The following HS3ST5 variants were observed in gnomAD, a reference collection of about 807,000 sequenced individuals.
The protein encoded by HS3ST5 is heparan sulfate glucosamine 3-O-sulfotransferase 5.
Under a neutral mutation model 25.4 loss-of-function variants are expected in HS3ST5, and 10 were observed. The observed-to-expected ratio is 0.39, with a 90% CI of 0.24 to 0.67. HS3ST5 has a LOEUF of 0.67. Among genes scored for constraint, HS3ST5 ranks in the 30% least tolerant of loss-of-function variants. The pLI, the probability that HS3ST5 is intolerant of heterozygous loss-of-function variation, is 0.44. For missense variants in HS3ST5, 324 were observed against 420.7 expected (o/e 0.77, Z 2.01); for synonymous variants, 170 against 162.4 (o/e 1.05, Z -0.36).
intron 3 of HS3ST5, among the ~76,000 whole-genome samples, chr6:114,115,393 T>G (rs972111523): frequency 6.6e-6 from 1 of 152,136 alleles, no homozygotes; most frequent in African/African-American, 2.4e-5. Context: ...CTAAATTACA[T>G]GAGTCTCTTT....
At chr6:114,193,073 C>T (rs1026229372) in intron 2 of HS3ST5, among the ~76,000 whole-genome samples, 4 of 152,132 alleles carry the variant, frequency 2.6e-5, no homozygotes, top group African/African-American at 9.7e-5. Context: ...ATCATCACAG[C>T]AGTCTTTATC....
At chr6:114,257,177 G>T (rs1214833635) in intron 1 of HS3ST5, among the ~76,000 whole-genome samples, 2 of 152,342 alleles carry the variant, frequency 1.3e-5, no homozygotes, top group East Asian at 3.9e-4. Context: ...ATAAGATTTG[G>T]ATGGGGACAC....
intron 1 of HS3ST5, among the ~76,000 whole-genome samples, chr6:114,243,951 C>T (rs781123706): frequency 3.3e-5 from 5 of 152,086 alleles, no homozygotes; most frequent in African/African-American, 1.2e-4. Context: ...AGTGAGAATG[C>T]GATAGAAGTG....
At chr6:114,194,953 T>G (rs1780669112) in intron 2 of HS3ST5, among the ~76,000 whole-genome samples, 1 of 152,250 alleles carries the variant, frequency 6.6e-6, no homozygotes, top group Non-Finnish European at 1.5e-5. Context: ...AGGCTGCAAC[T>G]CTTTATGAGA....
At chr6:114,162,210 C>A (rs1779007934) in intron 3 of HS3ST5, among the ~76,000 whole-genome samples, 2 of 152,266 alleles carry the variant, frequency 1.3e-5, no homozygotes, top group South Asian at 4.1e-4. Context: ...AAAGCAACAT[C>A]TTCCTTGGAT....
At chr6:114,270,003 C>G (rs1172704310) in intron 1 of HS3ST5, among the ~76,000 whole-genome samples, 1 of 152,146 alleles carries the variant, frequency 6.6e-6, no homozygotes, top group Non-Finnish European at 1.5e-5. Flanking sequence ...ATTGACCCTT[C>G]CAGTGCTAGT....
At chr6:114,320,902 C>T (rs1466316236) in intron 1 of HS3ST5, among the ~76,000 whole-genome samples, 1 of 104,162 alleles carries the variant, frequency 9.6e-6, no homozygotes, top group Non-Finnish European at 2.0e-5. Flanking sequence ...TGCTCTCTCT[C>T]TCTCTCTCTC....
At chr6:114,242,707 G>T (rs530102039) in intron 1 of HS3ST5, among the ~76,000 whole-genome samples, 56 of 151,956 alleles carry the variant, frequency 3.7e-4, no homozygotes, top group Non-Finnish European at 5.4e-4. Context: ...CAAAAAATTA[G>T]CCGGGCGCGG....
At chr6:114,145,750 G>T (rs1407257764) in intron 3 of HS3ST5, among the ~76,000 whole-genome samples, 1 of 152,196 alleles carries the variant, frequency 6.6e-6, no homozygotes, top group Non-Finnish European at 1.5e-5. Flanking sequence ...TCGTGTGGGG[G>T]TGCTGTGGGA....
At chr6:114,252,948 G>A (rs9481435) in intron 1 of HS3ST5, among the ~76,000 whole-genome samples, 6,757 of 152,156 alleles carry the variant, frequency 0.044, 227 homozygotes, top group African/African-American at 0.097. Context: ...TGTAATCCTA[G>A]CACTTTGGGA....
chr6:114,067,290 G>A (rs1773506991), intron 3 of HS3ST5, among the ~76,000 whole-genome samples: 2 of 152,086 alleles, frequency 1.3e-5, no homozygotes, highest in African/African-American at 4.8e-5. Flanking sequence ...CTGGGCTTGG[G>A]AATAAAACTT....
chr6:114,184,294 C>T (rs753705508), intron 2 of HS3ST5, among the ~76,000 whole-genome samples: 10 of 151,826 alleles, frequency 6.6e-5, no homozygotes, highest in Non-Finnish European at 1.0e-4. Context: ...AATTATTAAG[C>T]AAAAAGGAAC....
intron 3 of HS3ST5, among the ~76,000 whole-genome samples, chr6:114,091,095 T>C (rs183559477): frequency 2.0e-5 from 3 of 152,322 alleles, no homozygotes; most frequent in African/African-American, 7.2e-5. Context: ...CCTATTTATT[T>C]TCCAATTCTT....
At chr6:114,212,822 G>A (rs1161035906) in intron 2 of HS3ST5, among the ~76,000 whole-genome samples, 1 of 152,164 alleles carries the variant, frequency 6.6e-6, no homozygotes, top group African/African-American at 2.4e-5. Flanking sequence ...CGAGAAAGGG[G>A]TGGTTTGTGT....
intron 2 of HS3ST5, among the ~76,000 whole-genome samples, chr6:114,172,278 C>G (rs112912715): frequency 6.6e-6 from 1 of 152,198 alleles, no homozygotes; most frequent in African/African-American, 2.4e-5. Flanking sequence ...TCTGTTTCTT[C>G]CAATGAACGA....
intron 3 of HS3ST5, among the ~76,000 whole-genome samples, chr6:114,164,532 A>G (rs1386408374): frequency 3.9e-5 from 6 of 152,196 alleles, no homozygotes; most frequent in Non-Finnish European, 5.9e-5. Flanking sequence ...TCTTGGAAGC[A>G]GAGGCCTCCT....
At chr6:114,084,356 A>C (rs1426556602) in intron 3 of HS3ST5, 8 of 757,632 alleles carry the variant, frequency 1.1e-5, no homozygotes, top group Non-Finnish European at 1.9e-5. Context: ...TCAGGAGCTG[A>C]ATCAGTCCAT....
intron 2 of HS3ST5, among the ~76,000 whole-genome samples, chr6:114,194,053 T>A (rs1211682912): frequency 6.6e-6 from 1 of 152,138 alleles, no homozygotes; most frequent in Admixed American, 6.6e-5. Context: ...AGGAGACATG[T>A]ATTCATCAAG....
At chr6:114,116,739 C>T (rs571698105) in intron 3 of HS3ST5, among the ~76,000 whole-genome samples, 2 of 152,098 alleles carry the variant, frequency 1.3e-5, no homozygotes, top group African/African-American at 4.8e-5. Flanking sequence ...GCTAGATCTC[C>T]ATTTTCCCCC....
Sources: gnomAD v4.1 joint callset for allele counts (sites outside exome capture counted in the v4.1 genomes callset) on GRCh38, gnomAD v4.1.1 for gene constraint, MANE v1.5 for transcripts, NCBI Gene and HGNC (gene_info 2026-07-23, HGNC 2026-07-21) for gene names.